Variants in HSPA12A observed in about 807,000 individuals in gnomAD.
HSPA12A encodes the protein heat shock 70 kDa protein 12A.
Under a neutral mutation model 69.2 loss-of-function variants are expected in HSPA12A, and 28 were observed. The observed-to-expected ratio is 0.40, with a 90% CI of 0.30 to 0.55. HSPA12A has a LOEUF of 0.55. Ranked by LOEUF, HSPA12A falls within the 20% of genes least tolerant of loss-of-function variation. HSPA12A has a pLI of 0.38. For synonymous variants in HSPA12A, 345 were observed against 370.5 expected (o/e 0.93, Z 0.79); for missense variants, 686 against 900.7 (o/e 0.76, Z 3.05).
intron 1 of HSPA12A, among the ~76,000 whole-genome samples, chr10:116,740,021 T>C (rs1213034957): frequency 6.6e-6 from 1 of 152,192 alleles, no homozygotes; most frequent in Non-Finnish European, 1.5e-5. Flanking sequence ...CAGTGTGATA[T>C]TTGTGGCACC....
At chr10:116,752,088 T>C (rs189176748) in intron 2 of HSPA12A, among the ~76,000 whole-genome samples, 1 of 152,308 alleles carries the variant, frequency 6.6e-6, no homozygotes, top group East Asian at 1.9e-4. Flanking sequence ...TTCACAGTTC[T>C]CCCTCTAAGA....
intron 2 of HSPA12A, among the ~76,000 whole-genome samples, chr10:116,826,692 AC>A (rs1845513028): frequency 6.6e-6 from 1 of 152,216 alleles, no homozygotes; most frequent in Non-Finnish European, 1.5e-5. Context: ...ACTGTGTGAT[AC>A]CCCCAGTTAA....
intron 2 of HSPA12A, among the ~76,000 whole-genome samples, chr10:116,706,157 A>G (rs1974585): frequency 0.31 from 47,256 of 150,480 alleles, 7,830 homozygotes; most frequent in Middle Eastern, 0.41. Flanking sequence ...AGCCTCCCAA[A>G]GTGCTGGGAT....
chr10:116,808,317 T>TG (rs1461788065), intron 2 of HSPA12A, among the ~76,000 whole-genome samples: 8 of 4,468 alleles, frequency 1.8e-3, no homozygotes, highest in Admixed American at 4.8e-3. Flanking sequence ...GGACGGGGGC[T>TG]GGGGGGCAGC....
At chr10:116,837,388 T>C (rs1705549947) in intron 1 of HSPA12A, among the ~76,000 whole-genome samples, 1 of 152,196 alleles carries the variant, frequency 6.6e-6, no homozygotes, top group South Asian at 2.1e-4. Flanking sequence ...TCACCTGTCA[T>C]CAGGATAAGC....
Position 116,802,269 on chromosome 10 carries a change from C to T in HSPA12A, c.91+32666G>A, listed in dbSNP as rs148027813. Among the ~76,000 whole-genome samples, 327 of 152,266 alleles carry T rather than the reference C, an allele frequency of 2.1e-3. 1 individual carries two copies. The highest frequency in any genetic ancestry group is 0.01 in the Middle Eastern group (3 of 294). On this transcript the variant is annotated intron_variant, in intron 2 of 12. Coordinates refer to the HSPA12A transcript ENST00000635765. ...TCAGTGAACATGAGCTGCCCAGGCCCGTGGACTCCTGTGCACTCACCATAA... is the reference window on the plus strand; with the variant it reads ...TCAGTGAACATGAGCTGCCCAGGCCTGTGGACTCCTGTGCACTCACCATAA...
chr10:116,834,136 G>A (rs773921530), intron 2 of HSPA12A, among the ~76,000 whole-genome samples: 36 of 152,148 alleles, frequency 2.4e-4, no homozygotes, highest in Admixed American at 5.2e-4. Context: ...TGGCTGAGTT[G>A]GAAAACATGA....
In HSPA12A at chr10:116,701,149, A is replaced by G; in HGVS notation, c.255-20T>C. 1.2e-6 allele frequency: 2 copies of G among 1,611,432 alleles called. No individual in the cohort carries two copies. Among genetic ancestry groups the G allele is most frequent in the Non-Finnish European group, 1.7e-6 (2 of 1,178,336 alleles). ...CATCGCCTGCCACCAAGGGAAGCAG[A>G]AGTTATGGGGCCTTCTTTCAAAATC... On this transcript the variant is annotated intron_variant, in intron 3 of 11. Transcript: ENST00000369209.
upstream of HSPA12A, chr10:116,850,041 G>C (rs1012767548): frequency 5.4e-5 from 29 of 533,478 alleles, no homozygotes; most frequent in Middle Eastern, 1.4e-3. Context: ...CTCTCCGTTT[G>C]TGGGCCGGCC....
At chr10:116,849,267 T>A (rs1460099593) in intron 1 of HSPA12A, among the ~76,000 whole-genome samples, 2 of 152,088 alleles carry the variant, frequency 1.3e-5, no homozygotes, top group Admixed American at 1.3e-4. Flanking sequence ...CGTTAAAGAT[T>A]TCCCCCTCTG....
At chr10:116,780,829 G>T (rs985686506) in intron 2 of HSPA12A, among the ~76,000 whole-genome samples, 1 of 152,130 alleles carries the variant, frequency 6.6e-6, no homozygotes, top group Non-Finnish European at 1.5e-5. Flanking sequence ...ATTTCTATGG[G>T]TGACGAGTCA....
In HSPA12A at chr10:116,671,686, T is replaced by A. The variant is rs1849083916; in HGVS notation, c.*3095A>T. 6.6e-6 allele frequency: 1 copy of A among 152,658 alleles called. No homozygotes were observed. The highest frequency in any genetic ancestry group is 1.5e-5 in the Non-Finnish European group (1 of 68,040). The allele number at this position is 152,658 out of a possible 1,614,324, so 9.5% of individuals were successfully genotyped here. On this transcript the variant is annotated 3_prime_UTR_variant, in exon 12 of 12. Transcript: ENST00000369209. ...CCTCTTTCCCCTCCTGTCTGTAACT[T>A]GTCTGTTACTCAGCATTTATTCATG... is the stretch of plus-strand genomic sequence containing the variant.
intron 1 of HSPA12A, among the ~76,000 whole-genome samples, chr10:116,741,142 G>A (rs570547217): frequency 3.8e-4 from 58 of 152,228 alleles, no homozygotes; most frequent in South Asian, 2.7e-3. Flanking sequence ...AGCCCTGTCA[G>A]GATCCCCCAC....
chr10:116,842,482 T>A (rs1845817197), intron 1 of HSPA12A, among the ~76,000 whole-genome samples: 1 of 152,232 alleles, frequency 6.6e-6, no homozygotes, highest in African/African-American at 2.4e-5. Context: ...TTTAAAGGTA[T>A]TTTATAGGTA....
intron 3 of HSPA12A, among the ~76,000 whole-genome samples, chr10:116,702,090 C>T (rs1349491210): frequency 6.6e-6 from 1 of 151,360 alleles, no homozygotes; most frequent in Non-Finnish European, 1.5e-5. Context: ...GCCTGGGCAA[C>T]ACAGCAAGAC....
At position 116,672,546 on chromosome 10, in the gene HSPA12A, G is replaced by C. The variant is rs1468139855; in HGVS notation, c.*2235C>G. ...TCTTGCGTACATAGTCCATAGCTTGGCATCAGCACAGATCGATGCTTAGTG... is the reference window on the plus strand; with the variant it reads ...TCTTGCGTACATAGTCCATAGCTTGCCATCAGCACAGATCGATGCTTAGTG... On this transcript the variant is annotated 3_prime_UTR_variant, in exon 12 of 12. Transcript: ENST00000369209. The C allele has an allele frequency of 7.9e-5, 12 of 152,334 alleles. No homozygotes were observed. The highest frequency in any genetic ancestry group is 4.4e-5 in the Non-Finnish European group (3 of 68,024). The allele number at this position is 152,334 out of a possible 1,614,324, so 9.4% of individuals were successfully genotyped here.
chr10:116,761,581 A>T lies in HSPA12A; in HGVS notation c.92-54296T>A, dbSNP rs879955968. Among the ~76,000 whole-genome samples the T allele has an allele frequency of 1.3e-3, 198 of 149,550 alleles. 1 individual carries two copies. The highest frequency in any genetic ancestry group is 2.3e-3 in the Non-Finnish European group (154 of 67,316). On this transcript the variant is annotated intron_variant, in intron 2 of 12. Transcript: ENST00000635765. ...TCATCTAAAAAAAGTAAAAAAAATA[A>T]AAAAAAAAACGAAGAAATTAGCCAA... is the stretch of plus-strand genomic sequence containing the variant.
At chr10:116,833,631 C>A (rs1479496314) in intron 2 of HSPA12A, among the ~76,000 whole-genome samples, 1 of 152,160 alleles carries the variant, frequency 6.6e-6, no homozygotes, top group Admixed American at 6.5e-5. Context: ...TTATTGAGCA[C>A]CTACGATGTG....
chr10:116,824,754 C>T (rs768306132), intron 2 of HSPA12A, among the ~76,000 whole-genome samples: 1 of 152,198 alleles, frequency 6.6e-6, no homozygotes, highest in South Asian at 2.1e-4. Flanking sequence ...CTGCCTCAGC[C>T]TCCTGAGTAG....
Sources: gnomAD v4.1 joint callset for allele counts (sites outside exome capture counted in the v4.1 genomes callset) on GRCh38, gnomAD v4.1.1 for gene constraint, MANE v1.5 for transcripts, NCBI Gene and HGNC (gene_info 2026-07-23, HGNC 2026-07-21) for gene names.